Variants in JAKMIP1 observed in about 807,000 individuals in gnomAD.
The protein encoded by JAKMIP1 is janus kinase and microtubule interacting protein 1.
A neutral mutation model predicts 113.0 loss-of-function variants in JAKMIP1; 33 were observed. The observed-to-expected ratio is 0.29, with a 90% confidence interval of 0.22 to 0.39. The LOEUF is 0.39. Ranked by LOEUF, JAKMIP1 falls within the 10% of genes least tolerant of loss-of-function variation. The pLI is 1.00. For missense variants in JAKMIP1, 813 were observed against 1,080.5 expected, an observed-to-expected ratio of 0.75 and a Z score of 3.47; for synonymous variants, 480 against 459.9, an observed-to-expected ratio of 1.04 and a Z score of -0.56.
In JAKMIP1 at chr4:6,090,161, G is replaced by T. The variant is rs573296596; in HGVS notation, c.625-4532C>A. ...TGCTTGAACCTGGCAGGCAGAGGTTGCAGTGAGCCGAGGTCACGCCACTGC... is the reference window on the plus strand; with the variant it reads ...TGCTTGAACCTGGCAGGCAGAGGTTTCAGTGAGCCGAGGTCACGCCACTGC... On this transcript the variant is annotated intron_variant, in intron 3 of 20. Transcript: ENST00000409021. Among the ~76,000 whole-genome samples the T allele has an allele frequency of 3.9e-5, 6 of 152,200 alleles. No individual in the cohort carries two copies. In the East Asian group the frequency reaches 7.8e-4, roughly 20 times the overall value.
Position 6,064,056 on chromosome 4 carries a change from C to T in JAKMIP1, c.1431+824G>A, listed in dbSNP as rs1717697217. Among the ~76,000 whole-genome samples, 1 of 152,254 alleles carries T rather than the reference C, an allele frequency of 6.6e-6. No homozygotes were observed. The highest frequency in any genetic ancestry group is 2.1e-4 in the South Asian group (1 of 4,836). ...TGCTCTTCCCTGGGCTCAGAAAAAGCCACCAGGGGCCTGCATGGGAAGAGG... is the reference window on the plus strand; with the variant it reads ...TGCTCTTCCCTGGGCTCAGAAAAAGTCACCAGGGGCCTGCATGGGAAGAGG... On this transcript the variant is annotated intron_variant, in intron 9 of 20. Coordinates refer to ENST00000409021, the MANE Select transcript of JAKMIP1 (RefSeq NM_001099433.2). The surrounding 1 kb of genome is among the most constrained non-coding windows in gnomAD (Gnocchi z 4.3).
At chr4:6,144,771 A>G (rs1720619895) in intron 1 of JAKMIP1, among the ~76,000 whole-genome samples, 1 of 152,214 alleles carries the variant, frequency 6.6e-6, no homozygotes, top group South Asian at 2.1e-4. Context: ...CACAGCTAAC[A>G]TCACTCTCAA....
rs201648794 is a variant in JAKMIP1 at position 6,056,693 on chromosome 4, G to T, written c.1707+4C>A. The T allele has an allele frequency of 6.2e-7, 1 of 1,611,152 alleles. No individual in the cohort carries two copies. Among genetic ancestry groups the T allele is most frequent in the Non-Finnish European group, 8.5e-7 (1 of 1,177,676 alleles). On this transcript the variant is annotated splice_donor_region_variant and intron_variant, in intron 12 of 20. Transcript: ENST00000409021. ...GTGTGCTTCCCTGAGGTGGGGTCACGCACCTTTTCCAGCAAGTCTTGGTTT... is the reference window on the plus strand; with the variant it reads ...GTGTGCTTCCCTGAGGTGGGGTCACTCACCTTTTCCAGCAAGTCTTGGTTT...
In JAKMIP1 at chr4:6,160,711, C is replaced by A. The variant is rs185033514; in HGVS notation, c.-148+39542G>T. Among the ~76,000 whole-genome samples, 5 of 152,270 alleles carry A rather than the reference C, an allele frequency of 3.3e-5. No individual in the cohort carries two copies. In the East Asian group the frequency reaches 5.8e-4, roughly 18 times the overall value. ...ACAGGCCAGCCTCCACGCCTCCCTGCCCCTCTACAGTCCTTCCAGATGGTC... is the reference window on the plus strand; with the variant it reads ...ACAGGCCAGCCTCCACGCCTCCCTGACCCTCTACAGTCCTTCCAGATGGTC... On this transcript the variant is annotated intron_variant, in intron 1 of 20. Coordinates refer to ENST00000409021, the MANE Select transcript of JAKMIP1 (RefSeq NM_001099433.2).
At position 6,036,013 on chromosome 4, in the gene JAKMIP1, T is replaced by G; in HGVS notation, c.2270A>C (p.Asp757Ala). 1 of 1,552,276 alleles carries G rather than the reference T, an allele frequency of 6.4e-7. No homozygotes were observed. The part of the protein sequence containing the change: ...GEALSEGQRE[D>A]LQAAVEKVRR... ...CACCTTTTCCACAGCAGCCTGCAGG[T>G]CCTCCCGCTGGCCCTCGCTCAGCGC... The change falls in exon 19 of 21, where the codon GAC becomes GCC. Residue 757 changes from aspartate to alanine, a missense_variant. Around this residue, in one of 2 missense-constraint regions of JAKMIP1, gnomAD observed 273 missense variants for 426.6 expected, o/e 0.64. Transcript: ENST00000409021.
intron 8 of JAKMIP1, among the ~76,000 whole-genome samples, chr4:6,068,243 G>A (rs1016856365): frequency 1.4e-4 from 22 of 152,152 alleles, no homozygotes; most frequent in African/African-American, 2.2e-4. Flanking sequence ...ATTAACTACC[G>A]ATGTTGCCGC....
intron 1 of JAKMIP1, among the ~76,000 whole-genome samples, chr4:6,182,662 A>C (rs534229478): frequency 2.1e-4 from 32 of 152,278 alleles, no homozygotes; most frequent in Non-Finnish European, 2.2e-4. Context: ...TATTTCTGCT[A>C]TGGCAGCCAA....
rs748610834 is a variant in JAKMIP1 at position 6,081,604 on chromosome 4, C to T, written c.1101+5G>A. 1 of 1,614,144 alleles carries T rather than the reference C, an allele frequency of 6.2e-7. No homozygotes were observed. Among genetic ancestry groups the T allele is most frequent in the East Asian group, 2.2e-5 (1 of 44,888 alleles). The stretch of plus-strand genomic sequence containing the variant: ...AGGGCTGTCCCCAAGGGGTCCACAG[C>T]TCACCATTTCCACGTTTTCCCGCGT... On this transcript the variant is annotated splice_donor_5th_base_variant and intron_variant, in intron 6 of 20. Coordinates refer to ENST00000409021, the MANE Select transcript of JAKMIP1 (RefSeq NM_001099433.2). The surrounding 1 kb of genome is among the most constrained non-coding windows in gnomAD (Gnocchi z 4.6).
intron 18 of JAKMIP1, 90 bp from the exon 19 acceptor site, chr4:6,036,197 G>T: frequency 9.2e-7 from 1 of 1,081,664 alleles, no homozygotes; most frequent in Non-Finnish European, 1.3e-6. Flanking sequence ...GGCAGAGCCA[G>T]GGAGGGGGGT....
intron 1 of JAKMIP1, among the ~76,000 whole-genome samples, chr4:6,191,202 G>A (rs1727220082): frequency 6.6e-6 from 1 of 152,218 alleles, no homozygotes; most frequent in Non-Finnish European, 1.5e-5. Context: ...GGATGCCAGT[G>A]AGTGAGACCC....
At chr4:6,109,343 C>G (rs1168441494) in intron 2 of JAKMIP1, among the ~76,000 whole-genome samples, 1 of 151,786 alleles carries the variant, frequency 6.6e-6, no homozygotes, top group Non-Finnish European at 1.5e-5. Flanking sequence ...CTGTGTTAGC[C>G]AGGATGGTCT....
chr4:6,062,626 C>A (rs577975313), intron 9 of JAKMIP1, among the ~76,000 whole-genome samples, 186 bp from the exon 10 acceptor site: 1 of 152,330 alleles, frequency 6.6e-6, no homozygotes, highest in Non-Finnish European at 1.5e-5. Context: ...CCTCGCATTG[C>A]CAGGAAGCAA....
Position 6,064,741 on chromosome 4 carries a change from G to C in JAKMIP1, c.1431+139C>G. ...GCCTTCCCTTCACACCATTGGCTTT[G>C]ATAATGCACTGGTAGGAACTGGTCA... On this transcript the variant is annotated intron_variant, in intron 9 of 20. Transcript: ENST00000409021. The surrounding 1 kb of genome is among the most constrained non-coding windows in gnomAD (Gnocchi z 4.3). 9.1e-7 allele frequency: 1 copy of C among 1,093,024 alleles called. No homozygotes were observed. Among genetic ancestry groups the C allele is most frequent in the Non-Finnish European group, 1.3e-6 (1 of 766,484 alleles). 67.7% of individuals were successfully genotyped at this position (1,093,024 alleles called of 1,614,324 possible). A position where few individuals can be genotyped will look rare whatever the true frequency, so the allele number is the denominator to read the frequency against.
intron 16 of JAKMIP1, among the ~76,000 whole-genome samples, chr4:6,045,565 C>T (rs1714876076): frequency 6.6e-6 from 1 of 152,202 alleles, no homozygotes; most frequent in South Asian, 2.1e-4. Context: ...TTGCACTTCA[C>T]CTACACACTA....
At position 6,085,588 on chromosome 4, in the gene JAKMIP1, C is replaced by T. The variant is rs1228577313; in HGVS notation, c.666G>A (p.Leu222=). Residue 222 remains leucine, a synonymous_variant, in exon 4 of 21, where the codon TTG becomes TTA. Transcript: ENST00000409021. ...CAGCCTGCACGCCAAGTTCCTTCTCCAAGGCCAGAATCACACGGTCTTTCC... is the reference window on the plus strand; with the variant it reads ...CAGCCTGCACGCCAAGTTCCTTCTCTAAGGCCAGAATCACACGGTCTTTCC... The part of the protein sequence containing the change: ...IKGKDRVILA[L]EKELGVQAGQ... 2.5e-6 allele frequency: 4 copies of T among 1,614,110 alleles called. No homozygotes were observed. The highest frequency in any genetic ancestry group is 3.4e-6 in the Non-Finnish European group (4 of 1,180,050).
rs1724750371 is a variant in JAKMIP1 at position 6,171,701 on chromosome 4, C to CA, written c.-148+28551dup. Among the ~76,000 whole-genome samples the CA allele has an allele frequency of 3.3e-5, 5 of 152,320 alleles. No individual in the cohort carries two copies. In the South Asian group the frequency reaches 1.0e-3, roughly 32 times the overall value. On this transcript the variant is annotated intron_variant, in intron 1 of 20. Coordinates refer to ENST00000409021, the MANE Select transcript of JAKMIP1 (RefSeq NM_001099433.2). ...GTCTTGAAGGTTGGCGGTTCACCCT[C>CA]AAAAGCTACTGAACCCAGGAGTACC...
intron 3 of JAKMIP1, among the ~76,000 whole-genome samples, chr4:6,103,209 T>C (rs746420456): frequency 1.3e-5 from 2 of 152,040 alleles, no homozygotes; most frequent in Non-Finnish European, 2.9e-5. Flanking sequence ...TTTCGGAGAG[T>C]TTATATCATG....
At chr4:6,085,892 A>G (rs1721222476) in intron 3 of JAKMIP1, among the ~76,000 whole-genome samples, 1 of 152,194 alleles carries the variant, frequency 6.6e-6, no homozygotes, top group African/African-American at 2.4e-5. Flanking sequence ...ACATCAGTGT[A>G]TGCTCCTGTC....
chr4:6,061,369 G>A lies in JAKMIP1; in HGVS notation c.1561-862C>T, dbSNP rs1022680109. Among the ~76,000 whole-genome samples the A allele has an allele frequency of 6.6e-6, 1 of 152,088 alleles. No individual in the cohort carries two copies. Among genetic ancestry groups the A allele is most frequent in the Non-Finnish European group, 1.5e-5 (1 of 68,024 alleles). ...CACTCCCCCTTACTCCTGGCTCCCC[G>A]CTACAGGGCCACTGCTGCCCCTGGA... is the stretch of plus-strand genomic sequence containing the variant. On this transcript the variant is annotated intron_variant, in intron 10 of 20. Coordinates refer to ENST00000409021, the MANE Select transcript of JAKMIP1 (RefSeq NM_001099433.2). The surrounding 1 kb of genome is among the most constrained non-coding windows in gnomAD (Gnocchi z 5.3).
Sources: gnomAD v4.1 joint callset for allele counts (sites outside exome capture counted in the v4.1 genomes callset) on GRCh38, gnomAD v4.1.1 for gene constraint, gnomAD v4.1.1 regional missense constraint, Gnocchi (gnomAD v3.1) non-coding constraint, MANE v1.5 for transcripts, NCBI Gene and HGNC (gene_info 2026-07-23, HGNC 2026-07-21) for gene names.